Variants in DLG1 observed in about 807,000 individuals in gnomAD.
The protein encoded by DLG1 is disks large homolog 1.
In DLG1, 42 loss-of-function variants were observed where a neutral mutation model predicts 123.4. The observed-to-expected ratio is 0.34, with a 90% CI of 0.27 to 0.44. DLG1 has a LOEUF of 0.44. Among genes scored for constraint, DLG1 ranks in the 20% least tolerant of loss-of-function variants. The probability of loss-of-function intolerance (pLI) is 1.00; values close to 1 mark genes in which losing one functional copy is unlikely to be tolerated. For synonymous variants in DLG1, 317 were observed against 356.2 expected, an observed-to-expected ratio of 0.89 and a Z score of 1.24; for missense variants, 942 against 1,082.6, an observed-to-expected ratio of 0.87 and a Z score of 1.82.
intron 24 of DLG1, among the ~76,000 whole-genome samples, chr3:197,049,234 C>T (rs374526262): frequency 3.2e-4 from 49 of 152,020 alleles, no homozygotes; most frequent in African/African-American, 1.1e-3. Context: ...GGAGAATCAA[C>T]AGAACCCAGG....
chr3:197,200,298 C>A (rs749412489), intron 4 of DLG1, among the ~76,000 whole-genome samples: 1 of 152,122 alleles, frequency 6.6e-6, no homozygotes, highest in Non-Finnish European at 1.5e-5. Flanking sequence ...TCCCTATCTA[C>A]CCCTCAAATA....
At chr3:197,112,760 A>T (rs1770819566) in intron 13 of DLG1, among the ~76,000 whole-genome samples, 1 of 151,292 alleles carries the variant, frequency 6.6e-6, no homozygotes, top group Non-Finnish European at 1.5e-5. Flanking sequence ...CTGGCTAATT[A>T]AAAAAAAATT....
intron 16 of DLG1, among the ~76,000 whole-genome samples, chr3:197,083,264 T>TA (rs1015209748): frequency 1.3e-5 from 2 of 152,150 alleles, no homozygotes; most frequent in African/African-American, 4.8e-5. Context: ...GGTAAATAAA[T>TA]AAAGGTCTAG....
chr3:197,173,789 T>C (rs982417452), intron 5 of DLG1, among the ~76,000 whole-genome samples: 2 of 152,238 alleles, frequency 1.3e-5, no homozygotes, highest in African/African-American at 4.8e-5. Flanking sequence ...CAAATAGGCA[T>C]GGCTGTGTTC....
chr3:197,140,632 A>G (rs764218741), intron 7 of DLG1, among the ~76,000 whole-genome samples: 3 of 152,200 alleles, frequency 2.0e-5, no homozygotes, highest in Non-Finnish European at 2.9e-5. Context: ...CATCTCTCCT[A>G]AGAGACAAAT....
chr3:197,270,940 A>C (rs568778931), intron 4 of DLG1, among the ~76,000 whole-genome samples: 1 of 152,370 alleles, frequency 6.6e-6, no homozygotes, highest in East Asian at 1.9e-4. Flanking sequence ...TGAGACAAAT[A>C]AAGAATGTGT....
chr3:197,113,469 G>A (rs1771247256), intron 13 of DLG1, among the ~76,000 whole-genome samples: 1 of 152,128 alleles, frequency 6.6e-6, no homozygotes, highest in Non-Finnish European at 1.5e-5. Context: ...TTGATGAAAT[G>A]ACACTTTTAT....
chr3:197,199,185 G>A (rs1404558810), intron 4 of DLG1, among the ~76,000 whole-genome samples: 4 of 152,144 alleles, frequency 2.6e-5, no homozygotes, highest in South Asian at 2.1e-4. Flanking sequence ...ATCTCTTAAA[G>A]TTTCTGAGTT....
At chr3:197,240,285 G>A (rs184220779) in intron 4 of DLG1, among the ~76,000 whole-genome samples, 8 of 152,272 alleles carry the variant, frequency 5.3e-5, no homozygotes. Context: ...ACACTACTGG[G>A]ACATCCCCTT....
intron 4 of DLG1, among the ~76,000 whole-genome samples, chr3:197,196,048 T>G (rs1344228122): frequency 2.0e-5 from 3 of 151,848 alleles, no homozygotes; most frequent in Admixed American, 6.6e-5. Flanking sequence ...TCAAAAGCCT[T>G]GAAAATGTTT....
rs113555693 is a variant in DLG1 at position 197,176,904 on chromosome 3, A to G, written c.483+17521T>C. 1.6e-4 allele frequency among the ~76,000 whole-genome samples: 24 copies of G among 152,214 alleles called. 1 individual carries two copies. The highest frequency in any genetic ancestry group is 5.8e-4 in the African/African-American group (24 of 41,566). Reference sequence around the variant, plus strand: ...ATTGTAACCAACTACTTTTGGTTTAATCTTCATCTCTATGCTTTTCTAGAG... The same window carrying G: ...ATTGTAACCAACTACTTTTGGTTTAGTCTTCATCTCTATGCTTTTCTAGAG... On this transcript the variant is annotated intron_variant, in intron 5 of 24. Transcript: ENST00000667157.
intron 4 of DLG1, among the ~76,000 whole-genome samples, chr3:197,243,555 T>C (rs1750050366): frequency 6.6e-6 from 1 of 152,034 alleles, no homozygotes; most frequent in Non-Finnish European, 1.5e-5. Flanking sequence ...TTTCAACTAA[T>C]AGGGATGAAG....
intron 7 of DLG1, among the ~76,000 whole-genome samples, chr3:197,141,429 A>G (rs1787915828): frequency 6.6e-6 from 1 of 152,244 alleles, no homozygotes; most frequent in African/African-American, 2.4e-5. Context: ...TATGTACAGT[A>G]CATTAATACT....
chr3:197,055,265 G>A (rs1033989341), intron 23 of DLG1, among the ~76,000 whole-genome samples: 26 of 152,170 alleles, frequency 1.7e-4, no homozygotes, highest in African/African-American at 6.0e-4. Context: ...ACTTTCTTGA[G>A]ACTTTGTCCA....
At chr3:197,124,906 G>A (rs533783396) in intron 11 of DLG1, among the ~76,000 whole-genome samples, 182 of 152,138 alleles carry the variant, frequency 1.2e-3, no homozygotes, top group African/African-American at 4.2e-3. Context: ...GTGTGCTGAT[G>A]GTAATGATCC....
At chr3:197,274,749 A>G (rs140254587) in intron 4 of DLG1, among the ~76,000 whole-genome samples, 75 of 152,364 alleles carry the variant, frequency 4.9e-4, no homozygotes, top group African/African-American at 1.7e-3. Context: ...ACCAGAATAT[A>G]TAAGGAGCAA....
chr3:197,136,729 C>G (rs1296720606), intron 9 of DLG1, 51 bp from the exon 10 acceptor site: 1 of 1,516,158 alleles, frequency 6.6e-7, no homozygotes, highest in Non-Finnish European at 8.9e-7. Flanking sequence ...AACTTAAGCC[C>G]AGAAAGAAAT....
intron 4 of DLG1, among the ~76,000 whole-genome samples, chr3:197,263,426 T>C (rs1392071878): frequency 1.3e-5 from 2 of 152,210 alleles, no homozygotes; most frequent in Non-Finnish European, 2.9e-5. Context: ...TCCTTGAATT[T>C]ATACCATGCC....
rs144107141 is a variant in DLG1, at chr3:197,225,017, C to T, written c.319-30428G>A. On this transcript the variant is annotated intron_variant, in intron 4 of 24. Coordinates refer to ENST00000667157, the MANE Select transcript of DLG1 (RefSeq NM_001366207.1). ...TGTGGCCCAGGCCGGAGTGCAGTGG[C>T]GCGATCTTGGCTCACTGCAAGCTCC... 5.7e-3 allele frequency among the ~76,000 whole-genome samples: 867 copies of T among 152,284 alleles called. 8 individuals are homozygous for T. Among genetic ancestry groups the T allele is most frequent in the African/African-American group, 0.02 (828 of 41,558 alleles).
Sources: allele counts gnomAD v4.1 joint callset (sites outside exome capture counted in the v4.1 genomes callset), GRCh38; gene constraint gnomAD v4.1.1; transcripts MANE v1.5; gene names NCBI Gene and HGNC (gene_info 2026-07-23, HGNC 2026-07-21).